The following PIK3CB variants were observed in gnomAD, a reference collection of about 807,000 sequenced individuals.
PIK3CB encodes the protein phosphatidylinositol 4,5-bisphosphate 3-kinase catalytic subunit beta isoform.
PIK3CB carries 39 observed loss-of-function variants against 136.8 expected under a neutral mutation model. The ratio of observed to expected loss-of-function variants is 0.29; its 90% CI spans 0.22 to 0.37. The LOEUF (loss-of-function observed/expected upper bound fraction) is 0.37. PIK3CB is among the 10% of genes least tolerant of loss of function. The probability of loss-of-function intolerance (pLI) is 1.00; values close to 1 mark genes in which losing one functional copy is unlikely to be tolerated. For missense variants in PIK3CB, 868 were observed against 1,275.4 expected (o/e 0.68, Z 4.87); for synonymous variants, 428 against 436.6 (o/e 0.98, Z 0.25).
chr3:138,760,020 T>C (rs899437885), intron 2 of PIK3CB, among the ~76,000 whole-genome samples: 2 of 151,984 alleles, frequency 1.3e-5, no homozygotes, highest in African/African-American at 2.4e-5. Context: ...CTCCCAGTTT[T>C]ACGCCATTCT....
chr3:138,755,510 G>C (rs1275170693), intron 4 of PIK3CB, among the ~76,000 whole-genome samples: 1 of 151,958 alleles, frequency 6.6e-6, no homozygotes, highest in Admixed American at 6.6e-5. Flanking sequence ...TAAATCATTA[G>C]ACAACAAAAA....
intron 19 of PIK3CB, among the ~76,000 whole-genome samples, chr3:138,670,554 A>G (rs1406008784): frequency 6.6e-6 from 1 of 152,238 alleles, no homozygotes; most frequent in African/African-American, 2.4e-5. Context: ...CAGTTGCAGC[A>G]CAAAAGCAGC....
rs2108643625 is a variant in PIK3CB, at chr3:138,734,570, CTT to C, written c.972+62_972+63del. On this transcript the variant is annotated intron_variant, in intron 7 of 23. Transcript: ENST00000674063. Reference sequence around the variant, plus strand: ...GTGAGCAAAGGAAATATGTGTGAAACTTATGTAAACTAACACAATCACATGGC... The same window carrying C: ...GTGAGCAAAGGAAATATGTGTGAAACATGTAAACTAACACAATCACATGGC... The C allele has an allele frequency of 1.4e-5, 17 of 1,247,540 alleles. No homozygotes were observed. The South Asian group carries it at 2.5e-4, about 18-fold the overall frequency. The allele number at this position is 1,247,540 out of a possible 1,614,324, so 77.3% of individuals were successfully genotyped here. A position where few individuals can be genotyped will look rare whatever the true frequency, so the allele number is the denominator to read the frequency against.
At chr3:138,729,896 T>TA (rs2044933295) in intron 8 of PIK3CB, among the ~76,000 whole-genome samples, 1 of 152,228 alleles carries the variant, frequency 6.6e-6, no homozygotes, top group Admixed American at 6.6e-5. Context: ...GTAATCCATT[T>TA]ACCCTTATCA....
intron 8 of PIK3CB, among the ~76,000 whole-genome samples, chr3:138,716,347 T>TA (rs1490746417): frequency 1.3e-5 from 2 of 152,134 alleles, no homozygotes; most frequent in African/African-American, 2.4e-5. Flanking sequence ...CAGCAGGCTA[T>TA]AAACCTGTGC....
chr3:138,655,320 C>A lies in PIK3CB; in HGVS notation c.*69G>T. ...ATAACATCTCTAACAGGGTCATGTT[C>A]AATTTAGTGCAAGTGCAAAATGAAA... On this transcript the variant is annotated 3_prime_UTR_variant, in exon 24 of 24. Transcript: ENST00000674063. 1 of 1,479,538 alleles carries A rather than the reference C, an allele frequency of 6.8e-7. No homozygotes were observed. Among genetic ancestry groups the A allele is most frequent in the South Asian group, 1.2e-5 (1 of 86,348 alleles). 91.7% of individuals were successfully genotyped at this position (1,479,538 alleles called of 1,614,324 possible). A position where few individuals can be genotyped will look rare whatever the true frequency, so the allele number is the denominator to read the frequency against.
chr3:138,680,868 T>C (rs115185420), intron 19 of PIK3CB, among the ~76,000 whole-genome samples: 3,415 of 151,966 alleles, frequency 0.022, 64 homozygotes, highest in Non-Finnish European at 0.035. Flanking sequence ...TTTGTATTTT[T>C]AGTAGAGCTG....
chr3:138,675,031 C>G (rs997905307), intron 19 of PIK3CB, among the ~76,000 whole-genome samples: 1 of 152,088 alleles, frequency 6.6e-6, no homozygotes, highest in Non-Finnish European at 1.5e-5. Flanking sequence ...GCACTCCAGC[C>G]TGGGCGACAG....
Position 138,672,911 on chromosome 3 carries a change from A to G in PIK3CB, c.2505-7708T>C, listed in dbSNP as rs776276146. ...TGGGTGACAGAGTGAGACTCCGTTG[A>G]AAAAAAAAAAAAAAAAAAAGAGAGA... On this transcript the variant is annotated intron_variant, in intron 19 of 23. Transcript: ENST00000674063. 1.6e-3 allele frequency among the ~76,000 whole-genome samples: 207 copies of G among 128,170 alleles called. 1 individual carries two copies. Among genetic ancestry groups the G allele is most frequent in the Non-Finnish European group, 2.8e-3 (180 of 63,692 alleles). The allele number at this position is 128,170 out of a possible 152,430, so 84.1% of individuals were successfully genotyped here. A position where few individuals can be genotyped will look rare whatever the true frequency, so the allele number is the denominator to read the frequency against.
chr3:138,710,845 G>C (rs1057441612), intron 10 of PIK3CB, among the ~76,000 whole-genome samples: 5 of 152,268 alleles, frequency 3.3e-5, no homozygotes, highest in African/African-American at 4.8e-5. Flanking sequence ...AGCACTCTGG[G>C]AGGCTGAGGT....
intron 1 of PIK3CB, among the ~76,000 whole-genome samples, chr3:138,810,596 T>C (rs1027392763): frequency 6.6e-6 from 1 of 151,452 alleles, no homozygotes; most frequent in Non-Finnish European, 1.5e-5. Context: ...CTGACCAGTA[T>C]TCCTCAGAAC....
At chr3:138,818,024 T>G (rs1248090461) in intron 1 of PIK3CB, among the ~76,000 whole-genome samples, 1 of 152,158 alleles carries the variant, frequency 6.6e-6, no homozygotes, top group East Asian at 1.9e-4. Context: ...TGGTAGTACA[T>G]GCTTGTAGTC....
intron 1 of PIK3CB, among the ~76,000 whole-genome samples, chr3:138,808,830 A>G (rs1206431238): frequency 6.6e-6 from 1 of 151,580 alleles, no homozygotes; most frequent in Admixed American, 6.6e-5. Context: ...AATATATTAG[A>G]CTATATAACA....
At chr3:138,685,396 C>CAAAAAAAAAAAAAAAA (rs398052626) in intron 16 of PIK3CB, among the ~76,000 whole-genome samples, 19 of 58,336 alleles carry the variant, frequency 3.3e-4, no homozygotes, top group African/African-American at 1.3e-3. Flanking sequence ...GAAACTGTCT[C>CAAAAAAAAAAAAAAAA]AAAAAAAAAA....
chr3:138,826,294 A>C (rs1464168996), intron 1 of PIK3CB: 2 of 1,597,220 alleles, frequency 1.3e-6, no homozygotes. Flanking sequence ...TGGCAAGGTC[A>C]CCAAGTCTGC....
intron 1 of PIK3CB, among the ~76,000 whole-genome samples, chr3:138,805,742 T>C (rs998675137): frequency 9.9e-5 from 15 of 151,550 alleles, no homozygotes; most frequent in Non-Finnish European, 1.9e-4. Flanking sequence ...TTGCTTTGTT[T>C]TGTTTTTTGA....
rs371165479 is a variant in PIK3CB, at chr3:138,803,809, C to G, written c.-121-7242G>C. 3.3e-5 allele frequency among the ~76,000 whole-genome samples: 5 copies of G among 152,154 alleles called. No homozygotes were observed. In the East Asian group the frequency reaches 9.6e-4, roughly 29 times the overall value. On this transcript the variant is annotated intron_variant, in intron 1 of 23. Transcript: ENST00000674063. The stretch of plus-strand genomic sequence containing the variant: ...CATGAAGCTCTAAAATGCTTAGGCT[C>G]TCTACCTTGATTTTCAGAAAGTCTC...
intron 14 of PIK3CB, among the ~76,000 whole-genome samples, chr3:138,694,299 G>A (rs914675200): frequency 7.9e-5 from 12 of 151,978 alleles, no homozygotes; most frequent in African/African-American, 2.9e-4. Context: ...ATAGCTGCCC[G>A]TAAAAACCGT....
At chr3:138,658,194 A>G (rs543396259) in intron 21 of PIK3CB, among the ~76,000 whole-genome samples, 1 of 152,304 alleles carries the variant, frequency 6.6e-6, no homozygotes, top group South Asian at 2.1e-4. Flanking sequence ...CATGTCTGCA[A>G]TCCCAGCACT....
Sources: gnomAD v4.1 joint callset for allele counts (sites outside exome capture counted in the v4.1 genomes callset) on GRCh38, gnomAD v4.1.1 for gene constraint, MANE v1.5 for transcripts, NCBI Gene and HGNC (gene_info 2026-07-23, HGNC 2026-07-21) for gene names.